Variants in FRMPD4 observed in about 807,000 individuals in gnomAD.
FRMPD4 encodes the protein FERM and PDZ domain-containing protein 4.
Under a neutral mutation model 94.1 loss-of-function variants are expected in FRMPD4, and 22 were observed. The ratio of observed to expected loss-of-function variants is 0.23; its 90% CI spans 0.17 to 0.33. The LOEUF is 0.33. Ranked by LOEUF, FRMPD4 falls within the 10% of genes least tolerant of loss-of-function variation. The pLI is 1.00. For missense variants in FRMPD4, 1,111 were observed against 1,339.9 expected, an observed-to-expected ratio of 0.83 and a Z score of 2.67; for synonymous variants, 631 against 548.6, an observed-to-expected ratio of 1.15 and a Z score of -2.10.
chrX:11,962,312 G>A (rs1035574824), intron 3 of FRMPD4, among the ~76,000 whole-genome samples: 3 of 111,768 alleles, frequency 2.7e-5, no homozygotes, highest in Admixed American at 9.5e-5. Context: ...AGGGGCAAAT[G>A]TTGTATCTTC....
intron 1 of FRMPD4, among the ~76,000 whole-genome samples, chrX:12,209,567 T>C (rs1381746055): frequency 8.9e-6 from 1 of 112,253 alleles, no homozygotes; most frequent in Non-Finnish European, 1.9e-5. Context: ...CACTGAAATC[T>C]ACAGATTATC....
At chrX:12,515,027 GATGGTTGTTTCT>G in intron 2 of FRMPD4, among the ~76,000 whole-genome samples, 1 of 111,861 alleles carries the variant, frequency 8.9e-6, no homozygotes, top group Non-Finnish European at 1.9e-5. Context: ...AGTATGCTCT[GATGGTTGTTTCT>G]ATTTTTGTGG....
chrX:12,359,472 CT>C (rs34380413), intron 1 of FRMPD4, among the ~76,000 whole-genome samples: 73 of 97,921 alleles, frequency 7.5e-4, no homozygotes, highest in Admixed American at 8.9e-4. Flanking sequence ...TTTCTTTTTT[CT>C]TTTTTTTTTT....
Position 12,549,218 on chromosome X carries a change from T to A in FRMPD4, c.158+50422T>A, listed in dbSNP as rs1209447354. ...AGAAGTGTGTCTAGTTCCATCAGAT[T>A]GGCTTGTGTCACGAAGGGAAATATC... On this transcript the variant is annotated intron_variant, in intron 2 of 16. Coordinates refer to ENST00000675598, the MANE Select transcript of FRMPD4 (RefSeq NM_001368397.1). 2.7e-5 allele frequency among the ~76,000 whole-genome samples: 3 copies of A among 111,915 alleles called. No individual in the cohort carries two copies. In the East Asian group the frequency reaches 8.4e-4, roughly 31 times the overall value.
intron 1 of FRMPD4, among the ~76,000 whole-genome samples, chrX:12,293,202 T>C (rs1003421756): frequency 1.8e-5 from 2 of 112,272 alleles, no homozygotes; most frequent in Non-Finnish European, 3.8e-5. Context: ...GGTGAAAGAA[T>C]GCTAAGAATT....
intron 3 of FRMPD4, among the ~76,000 whole-genome samples, chrX:12,072,620 G>C (rs746485452): frequency 1.8e-5 from 2 of 111,775 alleles, no homozygotes; most frequent in South Asian, 7.5e-4. Context: ...TGCAGAAAAG[G>C]TGGCAGTCAG....
chrX:12,089,239 T>C (rs2055135030), intron 3 of FRMPD4, among the ~76,000 whole-genome samples: 1 of 112,438 alleles, frequency 8.9e-6, no homozygotes, highest in South Asian at 3.7e-4. Flanking sequence ...TTTGGGCTAC[T>C]ATGAATGGTG....
intron 1 of FRMPD4, among the ~76,000 whole-genome samples, chrX:11,846,058 G>C (rs1481336228): frequency 9.6e-6 from 1 of 104,413 alleles, no homozygotes; most frequent in African/African-American, 3.5e-5. Context: ...GGAAATAAAG[G>C]GTATTCAATT....
intron 1 of FRMPD4, among the ~76,000 whole-genome samples, chrX:12,472,678 G>A (rs1291135602): frequency 2.7e-5 from 3 of 112,252 alleles, no homozygotes; most frequent in Non-Finnish European, 5.6e-5. Flanking sequence ...ACAAGCCTCA[G>A]TAGCTGATTC....
At chrX:12,649,347 T>A (rs2059576573) in intron 4 of FRMPD4, among the ~76,000 whole-genome samples, 1 of 111,997 alleles carries the variant, frequency 8.9e-6, no homozygotes, top group Non-Finnish European at 1.9e-5. Context: ...GGACAAGAAT[T>A]AGTAATTACT....
At chrX:12,434,060 C>T (rs938404782) in intron 1 of FRMPD4, among the ~76,000 whole-genome samples, 2 of 111,975 alleles carry the variant, frequency 1.8e-5, no homozygotes, top group Non-Finnish European at 3.8e-5. Flanking sequence ...AGTGGAAGGA[C>T]ATGACTAGTG....
intron 1 of FRMPD4, among the ~76,000 whole-genome samples, chrX:12,339,685 C>T (rs932809991): frequency 4.6e-5 from 5 of 108,687 alleles, no homozygotes; most frequent in East Asian, 2.9e-4. Context: ...GGTGCAATTG[C>T]GGCTCACTGC....
intron 3 of FRMPD4, among the ~76,000 whole-genome samples, chrX:12,040,538 T>C (rs925472285): frequency 9.4e-6 from 1 of 106,173 alleles, no homozygotes; most frequent in Non-Finnish European, 1.9e-5. Flanking sequence ...TTGATATAGT[T>C]GGATTTATGT....
At chrX:12,568,184 G>A (rs1445793890) in intron 2 of FRMPD4, among the ~76,000 whole-genome samples, 1 of 111,315 alleles carries the variant, frequency 9.0e-6, no homozygotes, top group African/African-American at 3.3e-5. Flanking sequence ...CAAGTAGAAT[G>A]ACAAATACAG....
intron 1 of FRMPD4, among the ~76,000 whole-genome samples, chrX:12,412,102 T>A (rs2056740583): frequency 8.9e-6 from 1 of 112,303 alleles, no homozygotes; most frequent in African/African-American, 3.2e-5. Flanking sequence ...CATAATGGTT[T>A]GTGACAAATT....
chrX:12,478,347 G>A (rs762608329), intron 1 of FRMPD4, among the ~76,000 whole-genome samples: 1 of 111,708 alleles, frequency 9.0e-6, no homozygotes, highest in East Asian at 2.8e-4. Context: ...GCCGAGGCAG[G>A]CAGATCGCAT....
chrX:12,571,875 G>A (rs2058764125), intron 2 of FRMPD4, among the ~76,000 whole-genome samples: 1 of 112,445 alleles, frequency 8.9e-6, no homozygotes, highest in Non-Finnish European at 1.9e-5. Context: ...GTCATTTTAT[G>A]TGGTCAGCAG....
chrX:12,663,961 G>A (rs920799532), intron 4 of FRMPD4, among the ~76,000 whole-genome samples: 1 of 111,680 alleles, frequency 9.0e-6, no homozygotes, highest in Non-Finnish European at 1.9e-5. Context: ...TCTCTTTGTA[G>A]CAATTGTGAA....
At chrX:12,140,704 G>C (rs2055677859) in intron 1 of FRMPD4, among the ~76,000 whole-genome samples, 1 of 112,414 alleles carries the variant, frequency 8.9e-6, no homozygotes. Flanking sequence ...AGGAACTTTG[G>C]AGAGGACAGT....
Sources: gnomAD v4.1 joint callset for allele counts (sites outside exome capture counted in the v4.1 genomes callset) on GRCh38, gnomAD v4.1.1 for gene constraint, MANE v1.5 for transcripts, NCBI Gene and HGNC (gene_info 2026-07-23, HGNC 2026-07-21) for gene names.